Variants in PRTG observed in about 807,000 individuals in gnomAD.
PRTG encodes the protein protogenin.
Under a neutral mutation model 122.5 loss-of-function variants are expected in PRTG, and 67 were observed. The ratio of observed to expected loss-of-function variants is 0.55; its 90% confidence interval spans 0.45 to 0.67. PRTG has a LOEUF of 0.67. PRTG is among the 30% of genes least tolerant of loss of function. PRTG has a pLI of 0.00. For synonymous variants in PRTG, 554 were observed against 501.1 expected (o/e 1.11, Z -1.41); for missense variants, 1,435 against 1,415.4 (o/e 1.01, Z -0.22).
In PRTG at chr15:55,729,962, T is replaced by C. The variant is rs762818840; in HGVS notation, c.397+10420A>G. ...TGAAGCGTTACAGGACAGCTGAAAA[T>C]AGAAATGCATTAGCAATTTATTTTA... On this transcript the variant is annotated intron_variant, in intron 2 of 19. Transcript: ENST00000389286. Among the ~76,000 whole-genome samples, 16 of 152,294 alleles carry C rather than the reference T, an allele frequency of 1.1e-4. No individual in the cohort carries two copies. The South Asian group carries it at 1.2e-3, about 12-fold the overall frequency.
intron 14 of PRTG, among the ~76,000 whole-genome samples, chr15:55,637,661 T>C (rs1357913984): frequency 1.3e-5 from 2 of 152,120 alleles, no homozygotes; most frequent in East Asian, 1.9e-4. Context: ...CCATCAGATA[T>C]TGGGTTTCAC....
chr15:55,633,692 C>T (rs944871457), intron 15 of PRTG, among the ~76,000 whole-genome samples: 42 of 152,128 alleles, frequency 2.8e-4, no homozygotes, highest in Non-Finnish European at 2.6e-4. Flanking sequence ...TCTTTAAATG[C>T]CATGTTATAT....
intron 17 of PRTG, among the ~76,000 whole-genome samples, chr15:55,626,707 G>A (rs1197993942): frequency 2.6e-5 from 4 of 151,796 alleles, no homozygotes; most frequent in East Asian, 3.9e-4. Context: ...GCAGTGAGCC[G>A]AGATTGCACC....
At chr15:55,631,739 A>C (rs1030174679) in intron 15 of PRTG, among the ~76,000 whole-genome samples, 1 of 152,196 alleles carries the variant, frequency 6.6e-6, no homozygotes, top group Non-Finnish European at 1.5e-5. Flanking sequence ...CCAAGCGAGC[A>C]ATTTCTAACT....
chr15:55,689,320 T>C (rs2059587363), intron 2 of PRTG, among the ~76,000 whole-genome samples: 2 of 152,184 alleles, frequency 1.3e-5, no homozygotes, highest in African/African-American at 2.4e-5. Flanking sequence ...CTTCTAAATA[T>C]TTAAACTGCT....
chr15:55,626,078 T>C (rs1411012117), intron 17 of PRTG, among the ~76,000 whole-genome samples: 1 of 152,152 alleles, frequency 6.6e-6, no homozygotes, highest in African/African-American at 2.4e-5. Flanking sequence ...ATTATTATTT[T>C]TAAACCAAAG....
chr15:55,711,357 C>A (rs1012376648), intron 2 of PRTG, among the ~76,000 whole-genome samples: 1 of 152,176 alleles, frequency 6.6e-6, no homozygotes, highest in Non-Finnish European at 1.5e-5. Context: ...CACAGCTGAT[C>A]CTTGACCTTG....
intron 11 of PRTG, among the ~76,000 whole-genome samples, chr15:55,658,999 A>G (rs924003337): frequency 6.6e-6 from 1 of 152,224 alleles, no homozygotes; most frequent in Non-Finnish European, 1.5e-5. Flanking sequence ...CACAGGTTTC[A>G]TAAGTTATTA....
intron 11 of PRTG, among the ~76,000 whole-genome samples, chr15:55,660,798 A>G (rs2059405650): frequency 6.6e-6 from 1 of 152,234 alleles, no homozygotes; most frequent in Non-Finnish European, 1.5e-5. Context: ...CTCAAGATAT[A>G]AATACAAAGT....
chr15:55,651,339 T>C (rs1261531660), intron 11 of PRTG, among the ~76,000 whole-genome samples: 1 of 152,036 alleles, frequency 6.6e-6, no homozygotes, highest in Non-Finnish European at 1.5e-5. Context: ...ATCAGATATA[T>C]AAACATTAGG....
intron 9 of PRTG, among the ~76,000 whole-genome samples, chr15:55,674,954 C>G (rs1191240626): frequency 1.3e-5 from 2 of 151,920 alleles, no homozygotes; most frequent in Non-Finnish European, 2.9e-5. Flanking sequence ...ATGAAATTTC[C>G]CACCATTATA....
At chr15:55,738,004 A>C (rs4774807) in intron 2 of PRTG, among the ~76,000 whole-genome samples, 38,507 of 74,738 alleles carry the variant, frequency 0.52, 8,638 homozygotes, top group Middle Eastern at 0.63. Flanking sequence ...CTCTCTCTCT[A>C]TATATATATA....
intron 11 of PRTG, among the ~76,000 whole-genome samples, chr15:55,663,847 T>G (rs1177225501): frequency 6.6e-6 from 1 of 151,644 alleles, no homozygotes; most frequent in Non-Finnish European, 1.5e-5. Context: ...TGGCCCCAGT[T>G]TTCACTTTTC....
In PRTG at chr15:55,614,664, A is replaced by G. The variant is rs2059134599; in HGVS notation, c.*5348T>C. 6.6e-6 allele frequency: 1 copy of G among 152,192 alleles called. No individual in the cohort carries two copies. Among genetic ancestry groups the G allele is most frequent in the Admixed American group, 6.5e-5 (1 of 15,278 alleles). 9.4% of individuals were successfully genotyped at this position (152,192 alleles called of 1,614,324 possible). A position where few individuals can be genotyped will look rare whatever the true frequency, so the allele number is the denominator to read the frequency against. Reference sequence around the variant, plus strand: ...GATAAACATGAGATGTTATTTTATGAAGCACATATTCAGAAACTTTAAAGA... The same window carrying G: ...GATAAACATGAGATGTTATTTTATGGAGCACATATTCAGAAACTTTAAAGA... On this transcript the variant is annotated 3_prime_UTR_variant, in exon 20 of 20. Coordinates refer to ENST00000389286, the MANE Select transcript of PRTG (RefSeq NM_173814.6).
intron 16 of PRTG, 143 bp from the exon 17 acceptor site, chr15:55,627,271 A>G (rs868742541): frequency 1.7e-5 from 8 of 469,866 alleles, no homozygotes; most frequent in African/African-American, 1.2e-4. Flanking sequence ...CAGAAAGGAC[A>G]CACAGTAATC....
intron 2 of PRTG, among the ~76,000 whole-genome samples, chr15:55,689,809 T>C (rs1049947427): frequency 2.0e-5 from 3 of 151,688 alleles, no homozygotes; most frequent in Non-Finnish European, 4.4e-5. Context: ...GCACCTGTAG[T>C]CCCAGCTGCT....
In PRTG at chr15:55,733,678, T is replaced by C. The variant is rs375108064; in HGVS notation, c.397+6704A>G. On this transcript the variant is annotated intron_variant, in intron 2 of 19. Coordinates refer to ENST00000389286, the MANE Select transcript of PRTG (RefSeq NM_173814.6). Reference sequence around the variant, plus strand: ...CCTCTCTCTACAAAAAATTTAAAAATTAGCTGTGCATGGCGGCACGTGCCT... The same window carrying C: ...CCTCTCTCTACAAAAAATTTAAAAACTAGCTGTGCATGGCGGCACGTGCCT... Among the ~76,000 whole-genome samples, 22 of 152,062 alleles carry C rather than the reference T, an allele frequency of 1.4e-4. No individual in the cohort carries two copies. The East Asian group carries it at 4.1e-3, about 28-fold the overall frequency.
intron 2 of PRTG, among the ~76,000 whole-genome samples, chr15:55,738,025 T>TACACACAC (rs869067847): frequency 2.0e-3 from 187 of 95,680 alleles, no homozygotes; most frequent in African/African-American, 7.1e-3. Context: ...TATATATATA[T>TACACACAC]ACACACACAC....
intron 2 of PRTG, among the ~76,000 whole-genome samples, chr15:55,721,941 C>T (rs960164806): frequency 3.3e-5 from 5 of 152,328 alleles, no homozygotes; most frequent in East Asian, 1.9e-4. Context: ...TCCCACCACA[C>T]GTGGAGATTA....
Sources: gnomAD v4.1 joint callset for allele counts (sites outside exome capture counted in the v4.1 genomes callset) on GRCh38, gnomAD v4.1.1 for gene constraint, MANE v1.5 for transcripts, NCBI Gene and HGNC (gene_info 2026-07-23, HGNC 2026-07-21) for gene names.